Variants in SARS2 observed in about 807,000 individuals in gnomAD.
The protein encoded by SARS2 is serine--tRNA ligase, mitochondrial.
SARS2 carries 52 observed loss-of-function variants against 66.8 expected under a neutral mutation model. That is an observed-to-expected ratio of 0.78 (90% CI 0.62 to 0.98). The LOEUF is 0.98. Among genes scored for constraint, SARS2 ranks in the 50% least tolerant of loss-of-function variants. SARS2 has a pLI of 0.00. For synonymous variants in SARS2, 306 were observed against 281.4 expected, an observed-to-expected ratio of 1.09 and a Z score of -0.87; for missense variants, 673 against 706.3, an observed-to-expected ratio of 0.95 and a Z score of 0.53.
Position 38,920,049 on chromosome 19 carries a change from T to C in SARS2, c.653+37A>G, listed in dbSNP as rs759961173. On this transcript the variant is annotated intron_variant, in intron 6 of 15. Coordinates refer to ENST00000221431, the MANE Select transcript of SARS2 (RefSeq NM_017827.4). ...AGCCAGCTGTCGGGGTGCAGGCAGC[T>C]GGGAGAGGGGCGTGGGGAGCCAGGG... 12 of 1,538,662 alleles carry C rather than the reference T, an allele frequency of 7.8e-6. No homozygotes were observed. The Admixed American group carries it at 2.1e-4, about 28-fold the overall frequency.
intron 2 of SARS2, among the ~76,000 whole-genome samples, chr19:38,922,754 AC>A (rs1179988000): frequency 6.6e-6 from 1 of 151,554 alleles, no homozygotes; most frequent in Non-Finnish European, 1.5e-5. Context: ...TTTGGCAGTT[AC>A]CCCCTGTGGC....
At chr19:38,917,390 A>G (rs1195781200) in intron 12 of SARS2, among the ~76,000 whole-genome samples, 1 of 151,746 alleles carries the variant, frequency 6.6e-6, no homozygotes, top group Non-Finnish European at 1.5e-5. Flanking sequence ...CCCTTTTCCC[A>G]CCCCCACTCT....
chr19:38,928,715 T>C (rs892340071), intron 1 of SARS2, among the ~76,000 whole-genome samples: 1 of 152,206 alleles, frequency 6.6e-6, no homozygotes, highest in Non-Finnish European at 1.5e-5. Context: ...GGGATACTCT[T>C]CTTCCCTCTT....
rs1349392978 is a variant in SARS2 at position 38,916,090 on chromosome 19, G to A, written c.1294C>T (p.Arg432Cys). 6.2e-6 allele frequency: 10 copies of A among 1,613,808 alleles called. No individual in the cohort carries two copies. The Admixed American group carries it at 8.3e-5, about 13-fold the overall frequency. ...ASNCTDFQSR[R>C]LHIMFQTEAG... ...TCGGTCTGGAACATGATGTGGAGGCGGCGGCTCTGGAAGTCTGTGCAGTTG... is the reference window on the plus strand; with the variant it reads ...TCGGTCTGGAACATGATGTGGAGGCAGCGGCTCTGGAAGTCTGTGCAGTTG... The change falls in exon 14 of 16, where the codon CGC becomes TGC. Residue 432 changes from arginine to cysteine, a missense_variant. Arg to Cys is a radical substitution (Grantham distance 180, BLOSUM62 -3). Coordinates refer to ENST00000221431, the MANE Select transcript of SARS2 (RefSeq NM_017827.4).
At chr19:38,925,416 C>T (rs1974610276) in intron 2 of SARS2, among the ~76,000 whole-genome samples, 1 of 152,202 alleles carries the variant, frequency 6.6e-6, no homozygotes, top group South Asian at 2.1e-4. Context: ...GAAGTGGGCC[C>T]AGGTGGAGGA....
chr19:38,920,205 C>G, intron 5 of SARS2, 56 bp from the exon 6 acceptor site: 1 of 1,372,976 alleles, frequency 7.3e-7, no homozygotes. Context: ...GGATGGGGCC[C>G]AGATAGAAGC....
intron 12 of SARS2, among the ~76,000 whole-genome samples, chr19:38,916,795 T>C (rs1007888631): frequency 1.1e-4 from 16 of 151,874 alleles, no homozygotes; most frequent in African/African-American, 3.4e-4. Flanking sequence ...CCTGAGTAGA[T>C]GGGATTACAG....
At position 38,920,884 on chromosome 19, in the gene SARS2, GACAC is replaced by G. The variant is rs376790270; in HGVS notation, c.589+504_589+507del. Among the ~76,000 whole-genome samples, 486 of 146,380 alleles carry G rather than the reference GACAC, an allele frequency of 3.3e-3. 3 individuals carry two copies. Among genetic ancestry groups the G allele is most frequent in the Non-Finnish European group, 4.9e-3 (325 of 65,932 alleles). ...ACACACAGATACATAGACACACACA[GACAC>G]ACACACACACAAACACAGATATACA... On this transcript the variant is annotated intron_variant, in intron 5 of 15. Transcript: ENST00000221431.
chr19:38,917,657 T>C, intron 12 of SARS2, 67 bp downstream of exon 12: 1 of 974,786 alleles, frequency 1.0e-6, no homozygotes, highest in Non-Finnish European at 1.6e-6. Context: ...GAAGAGCAGC[T>C]GGCCAGCCCC....
At chr19:38,923,560 C>T (rs867663488) in intron 2 of SARS2, among the ~76,000 whole-genome samples, 1 of 151,708 alleles carries the variant, frequency 6.6e-6, no homozygotes, top group South Asian at 2.1e-4. Flanking sequence ...TGGGGCCAGG[C>T]GTGGTGGTTC....
At chr19:38,919,615 C>T (rs937188303) in intron 7 of SARS2, 147 bp downstream of exon 7, 8 of 711,454 alleles carry the variant, frequency 1.1e-5, no homozygotes, top group South Asian at 3.1e-5. Flanking sequence ...ATAAAGTTGT[C>T]GTAAGGACTA....
At position 38,915,709 on chromosome 19, in the gene SARS2, A is replaced by T. The variant is rs776755017; in HGVS notation, c.1454T>A (p.Leu485His). Reference protein sequence around the residue: ...VLVPPALQSYLGTDRITAPTH... With the variant: ...VLVPPALQSYHGTDRITAPTH... ...AGGGGCTGTGATCCGATCAGTGCCG[A>T]GGTAGGACTGGAGGGCAGGGGGCAC... Residue 485 changes from leucine to histidine, a missense_variant, in exon 16 of 16, where the codon CTC (leucine) becomes CAC (histidine). Coordinates refer to ENST00000221431, the MANE Select transcript of SARS2 (RefSeq NM_017827.4). 3.7e-6 allele frequency: 6 copies of T among 1,613,018 alleles called. No individual in the cohort carries two copies. The highest frequency in any genetic ancestry group is 4.2e-6 in the Non-Finnish European group (5 of 1,179,552).
At chr19:38,924,513 C>T (rs1219316802) in intron 2 of SARS2, among the ~76,000 whole-genome samples, 1 of 152,142 alleles carries the variant, frequency 6.6e-6, no homozygotes. Flanking sequence ...CAGCCCGAGG[C>T]TGGCCACTCA....
intron 1 of SARS2, among the ~76,000 whole-genome samples, chr19:38,928,753 T>TTTG (rs1209034001): frequency 1.3e-5 from 2 of 152,224 alleles, no homozygotes; most frequent in Admixed American, 6.5e-5. Context: ...TCCACAGATC[T>TTTG]TTGTTTAATG....
chr19:38,916,758 G>T (rs922675691), intron 12 of SARS2, among the ~76,000 whole-genome samples: 4 of 151,846 alleles, frequency 2.6e-5, no homozygotes. Context: ...CACCTTCAGG[G>T]TTCAAGTGAT....
In SARS2 at chr19:38,918,144, GA is replaced by G; in HGVS notation, c.917-6del. ...CGGTGTGGTCCATGAAGTAGCCTGG[GA>G]GGAGAGACCACAGGGTGAGCCAGGG... On this transcript the variant is annotated splice_polypyrimidine_tract_variant and splice_region_variant and intron_variant, in intron 9 of 15. Coordinates refer to ENST00000221431, the MANE Select transcript of SARS2 (RefSeq NM_017827.4). 6.3e-7 allele frequency: 1 copy of G among 1,594,982 alleles called. No individual in the cohort carries two copies. The highest frequency in any genetic ancestry group is 8.5e-7 in the Non-Finnish European group (1 of 1,171,056).
Position 38,915,666 on chromosome 19 carries a change from C to T in SARS2, c.1497G>A (p.Gln499=). ...TCCGGGGCTGGTTGGGGCCGATGTA[C>T]TGGAGAGGCACGTGGGTAGGGGCTG... ...RITAPTHVPL[Q]YIGPNQPRKP... The change falls in exon 16 of 16, where the codon CAG becomes CAA. Residue 499 remains glutamine (Q), a synonymous_variant. Transcript: ENST00000221431. The T allele has an allele frequency of 1.2e-6, 2 of 1,613,268 alleles. No homozygotes were observed. Among genetic ancestry groups the T allele is most frequent in the African/African-American group, 1.3e-5 (1 of 75,028 alleles).
chr19:38,923,762 C>T (rs1408556279), intron 2 of SARS2, among the ~76,000 whole-genome samples: 3 of 151,650 alleles, frequency 2.0e-5, no homozygotes, highest in Middle Eastern at 3.4e-3. Flanking sequence ...GGGCGGATCA[C>T]GAGGTCAGGA....
At chr19:38,930,422 TC>T (rs1568430591) in intron 1 of SARS2, 47 bp downstream of exon 1, 3 of 1,551,570 alleles carry the variant, frequency 1.9e-6, no homozygotes, top group Middle Eastern at 1.8e-4. Context: ...ACCCAATTCT[TC>T]CGTAAAGCAA....
Sources: allele counts gnomAD v4.1 joint callset (sites outside exome capture counted in the v4.1 genomes callset), GRCh38; gene constraint gnomAD v4.1.1; transcripts MANE v1.5; gene names NCBI Gene and HGNC (gene_info 2026-07-23, HGNC 2026-07-21).